The following PLEKHH2 variants were observed in gnomAD, a reference collection of about 807,000 sequenced individuals.
The protein encoded by PLEKHH2 is pleckstrin homology domain-containing family H member 2.
Under a neutral mutation model 187.9 loss-of-function variants are expected in PLEKHH2, and 129 were observed. The ratio of observed to expected loss-of-function variants is 0.69; its 90% CI spans 0.59 to 0.79. The LOEUF (loss-of-function observed/expected upper bound fraction) is 0.79, where lower values mean the gene tolerates loss of function less well. PLEKHH2 is among the 30% of genes least tolerant of loss of function. PLEKHH2 has a pLI of 0.00. For synonymous variants in PLEKHH2, 686 were observed against 605.6 expected (o/e 1.13, Z -1.95); for missense variants, 2,076 against 1,751.2 (o/e 1.19, Z -3.31).
chr2:43,712,771 A>G (rs542273391), intron 15 of PLEKHH2, among the ~76,000 whole-genome samples: 1 of 152,336 alleles, frequency 6.6e-6, no homozygotes, highest in South Asian at 2.1e-4. Flanking sequence ...AATGGGCAGG[A>G]AAGAGAGATC....
Position 43,754,203 on chromosome 2 carries a change from C to CAAAA in PLEKHH2, c.3795+444_3795+445insAAAA, listed in dbSNP as rs1472842755. Among the ~76,000 whole-genome samples the CAAAA allele has an allele frequency of 1.2e-3, 175 of 142,738 alleles. 2 individuals carry two copies. Among genetic ancestry groups the CAAAA allele is most frequent in the African/African-American group, 4.5e-3 (159 of 35,184 alleles). The allele number at this position is 142,738 out of a possible 152,430, so 93.6% of individuals were successfully genotyped here. On this transcript the variant is annotated intron_variant, in intron 25 of 29. Coordinates refer to ENST00000282406, the MANE Select transcript of PLEKHH2 (RefSeq NM_172069.4). The stretch of plus-strand genomic sequence containing the variant: ...ACACACACACACACACACACACACA[C>CAAAA]ACAAAATTAATACTGACTTAATCAG...
rs1194258238 is a variant in PLEKHH2 at position 43,681,768 on chromosome 2, C to G, written c.186+2843C>G. 9.1e-6 allele frequency: 4 copies of G among 437,930 alleles called. No homozygotes were observed. In the Admixed American group the frequency reaches 1.2e-4, roughly 13 times the overall value. The allele number at this position is 437,930 out of a possible 1,614,324, so 27.1% of individuals were successfully genotyped here. The stretch of plus-strand genomic sequence containing the variant: ...TCAGTTTCGGGTCTGAGAGCCTACT[C>G]TGGACCCTCTCCCCACCAGGCCCCA... On this transcript the variant is annotated intron_variant, in intron 3 of 29. Transcript: ENST00000282406.
intron 1 of PLEKHH2, among the ~76,000 whole-genome samples, chr2:43,642,180 A>G (rs970121881): frequency 7.2e-5 from 11 of 152,092 alleles, no homozygotes; most frequent in Non-Finnish European, 1.3e-4. Flanking sequence ...CAGTGCACAC[A>G]TTTTGCACTT....
At chr2:43,694,405 T>G (rs1180184379) in intron 4 of PLEKHH2, 26 bp from the exon 5 acceptor site, 1 of 1,540,896 alleles carries the variant, frequency 6.5e-7, no homozygotes, top group Admixed American at 1.9e-5. Context: ...ATGTTTGAAC[T>G]AAACAAATTG....
intron 17 of PLEKHH2, 132 bp downstream of exon 17, chr2:43,726,583 G>A: frequency 1.3e-6 from 1 of 769,952 alleles, no homozygotes; most frequent in Non-Finnish European, 2.0e-6. Context: ...TCTGTTTTCA[G>A]AGATTCTTTA....
intron 18 of PLEKHH2, among the ~76,000 whole-genome samples, chr2:43,731,007 A>G (rs1671009241): frequency 6.6e-6 from 1 of 152,190 alleles, no homozygotes; most frequent in African/African-American, 2.4e-5. Context: ...ATTGCAGCCT[A>G]GTAAATTAGG....
intron 3 of PLEKHH2, among the ~76,000 whole-genome samples, chr2:43,688,233 T>C (rs533638858): frequency 1.3e-5 from 2 of 152,374 alleles, no homozygotes; most frequent in Admixed American, 6.5e-5. Context: ...CATCCAACAA[T>C]GGTCTAATAT....
At chr2:43,714,824 G>C (rs1670136213) in intron 15 of PLEKHH2, among the ~76,000 whole-genome samples, 1 of 152,128 alleles carries the variant, frequency 6.6e-6, no homozygotes, top group African/African-American at 2.4e-5. Context: ...GGAGACAAAA[G>C]CTTATTTACA....
intron 2 of PLEKHH2, 47 bp from the exon 3 acceptor site, chr2:43,678,816 T>C (rs767592739): frequency 6.9e-7 from 1 of 1,445,420 alleles, no homozygotes; most frequent in Admixed American, 1.9e-5. Context: ...GAAAGGCTCA[T>C]TTTTCAAAAA....
At position 43,731,531 on chromosome 2, in the gene PLEKHH2, G is replaced by C. The variant is rs1174429682; in HGVS notation, c.2872G>C (p.Glu958Gln). The C allele has an allele frequency of 6.2e-7, 1 of 1,607,042 alleles. No homozygotes were observed. ...WRHPTLCHSKEGIISPLTTLP... is the reference protein window; with the variant it reads ...WRHPTLCHSKQGIISPLTTLP... Reference sequence around the variant, plus strand: ...ACACCCCACTTTGTGTCACAGTAAAGAAGGAATCATTTCCCCTCTGACAAC... The same window carrying C: ...ACACCCCACTTTGTGTCACAGTAAACAAGGAATCATTTCCCCTCTGACAAC... The change falls in exon 19 of 30, where the codon GAA becomes CAA. Residue 958 changes from glutamate (E) to glutamine (Q), a missense_variant. By Grantham distance (29) the Glu-to-Gln change is conservative (BLOSUM62 2). Transcript: ENST00000282406.
At chr2:43,742,013 T>G (rs1383969612) in intron 21 of PLEKHH2, among the ~76,000 whole-genome samples, 1 of 152,166 alleles carries the variant, frequency 6.6e-6, no homozygotes, top group Non-Finnish European at 1.5e-5. Context: ...GAAGATTTTT[T>G]TTTTTGAGGC....
At position 43,762,352 on chromosome 2, in the gene PLEKHH2, C is replaced by T. The variant is rs773984640; in HGVS notation, c.4120C>T (p.His1374Tyr). The change falls in exon 28 of 30, where the codon CAT becomes TAT. Residue 1374 changes from histidine (H) to tyrosine (Y), a missense_variant. By Grantham distance (83) the His-to-Tyr change is moderately conservative. Transcript: ENST00000282406. Reference protein sequence around the residue: ...LGSTFLWLAVHEDGLSLLEYN... With the variant: ...LGSTFLWLAVYEDGLSLLEYN... ...AAGTACTTTCTTGTGGCTGGCTGTA[C>T]ATGAGGATGGTTTAAGCCTCTTAGA... 3.7e-6 allele frequency: 6 copies of T among 1,613,290 alleles called. No individual in the cohort carries two copies. The highest frequency in any genetic ancestry group is 1.7e-6 in the Non-Finnish European group (2 of 1,179,322).
At chr2:43,707,303 CT>C in intron 10 of PLEKHH2, 97 bp from the exon 11 acceptor site, 2 of 1,429,374 alleles carry the variant, frequency 1.4e-6, no homozygotes, top group Non-Finnish European at 1.9e-6. Flanking sequence ...GGTTGCTCTG[CT>C]TTTCTTTAGG....
At chr2:43,671,245 C>A (rs1056138444) in intron 2 of PLEKHH2, among the ~76,000 whole-genome samples, 1 of 152,096 alleles carries the variant, frequency 6.6e-6, no homozygotes, top group Non-Finnish European at 1.5e-5. Context: ...CCTCGGCCTC[C>A]CAAAGTGCTG....
At chr2:43,678,087 A>C (rs1322482644) in intron 2 of PLEKHH2, among the ~76,000 whole-genome samples, 2 of 151,468 alleles carry the variant, frequency 1.3e-5, no homozygotes, top group African/African-American at 4.9e-5. Flanking sequence ...GCGGCCGGGC[A>C]GAGGCGCTCC....
intron 17 of PLEKHH2, among the ~76,000 whole-genome samples, chr2:43,727,775 G>C (rs1161041992): frequency 6.6e-6 from 1 of 152,128 alleles, no homozygotes; most frequent in Non-Finnish European, 1.5e-5. Flanking sequence ...GCAAGAGGCA[G>C]AGTTGATATT....
chr2:43,747,498 G>C (rs184054977), intron 24 of PLEKHH2, among the ~76,000 whole-genome samples: 1 of 152,276 alleles, frequency 6.6e-6, no homozygotes, highest in Non-Finnish European at 1.5e-5. Context: ...CTTGTGTCAA[G>C]AATTGAGAAA....
chr2:43,637,935 T>C (rs1703191903), intron 1 of PLEKHH2, among the ~76,000 whole-genome samples: 1 of 152,188 alleles, frequency 6.6e-6, no homozygotes. Flanking sequence ...TGGGGCACTT[T>C]TTAAAGGACA....
intron 16 of PLEKHH2, among the ~76,000 whole-genome samples, chr2:43,725,955 T>A (rs1332065233): frequency 7.0e-6 from 1 of 142,160 alleles, no homozygotes; most frequent in African/African-American, 2.8e-5. Flanking sequence ...CAAAAAAAAA[T>A]CATTTTTTTT....
Sources: gnomAD v4.1 joint callset for allele counts (sites outside exome capture counted in the v4.1 genomes callset) on GRCh38, gnomAD v4.1.1 for gene constraint, MANE v1.5 for transcripts, NCBI Gene and HGNC (gene_info 2026-07-23, HGNC 2026-07-21) for gene names.